The following CCDC7 variants were observed in gnomAD, a reference collection of about 807,000 sequenced individuals.
CCDC7 encodes coiled-coil domain-containing protein 7.
In CCDC7, 183 loss-of-function variants were observed where a neutral mutation model predicts 196.9. That is an observed-to-expected ratio of 0.93 (90% confidence interval 0.82 to 1.05). CCDC7 has a LOEUF of 1.05. CCDC7 is among the 50% of genes least tolerant of loss of function. The pLI is 0.00. For missense variants in CCDC7, 1,540 were observed against 1,482.2 expected, an observed-to-expected ratio of 1.04 and a Z score of -0.64; for synonymous variants, 525 against 484.6, an observed-to-expected ratio of 1.08 and a Z score of -1.10.
intron 11 of CCDC7, among the ~76,000 whole-genome samples, chr10:32,539,658 A>G (rs1487483430): frequency 6.6e-6 from 1 of 151,976 alleles, no homozygotes; most frequent in Non-Finnish European, 1.5e-5. Flanking sequence ...TAGTGTTATA[A>G]ACTTCCCTCT....
At chr10:32,656,392 G>A (rs2069872023) in intron 20 of CCDC7, among the ~76,000 whole-genome samples, 1 of 152,136 alleles carries the variant, frequency 6.6e-6, no homozygotes, top group African/African-American at 2.4e-5. Context: ...CCTGAGACTG[G>A]GTAATTTATA....
chr10:32,539,498 AT>A (rs1237461894), intron 11 of CCDC7, among the ~76,000 whole-genome samples: 3 of 150,570 alleles, frequency 2.0e-5, no homozygotes, highest in African/African-American at 2.4e-5. Context: ...GATCTTTTGT[AT>A]TTTTTTTGTA....
intron 13 of CCDC7, among the ~76,000 whole-genome samples, chr10:32,550,281 AATT>A (rs2053250592): frequency 6.6e-6 from 1 of 151,916 alleles, no homozygotes; most frequent in Admixed American, 6.6e-5. Flanking sequence ...AACTTTGCTG[AATT>A]CTTTTATCAG....
At chr10:32,714,544 A>C (rs12261061) in intron 25 of CCDC7, among the ~76,000 whole-genome samples, 1 of 152,102 alleles carries the variant, frequency 6.6e-6, no homozygotes, top group Non-Finnish European at 1.5e-5. Context: ...AATGCCAGTG[A>C]GACAGAACCA....
intron 28 of CCDC7, among the ~76,000 whole-genome samples, chr10:32,764,709 T>A (rs1203738148): frequency 6.6e-6 from 1 of 151,974 alleles, no homozygotes; most frequent in African/African-American, 2.4e-5. Context: ...ACCACAACTG[T>A]GAGAAATGTG....
chr10:32,499,522 C>T (rs976229570), intron 9 of CCDC7: 4 of 151,854 alleles, frequency 2.6e-5, no homozygotes, highest in African/African-American at 9.7e-5. Flanking sequence ...TTTTCCCAAC[C>T]ATGGTCATTA....
intron 18 of CCDC7, among the ~76,000 whole-genome samples, chr10:32,584,902 C>A (rs2059106674): frequency 6.6e-6 from 1 of 151,616 alleles, no homozygotes; most frequent in African/African-American, 2.4e-5. Context: ...TAATATGACA[C>A]CCGAAATTAA....
intron 18 of CCDC7, among the ~76,000 whole-genome samples, chr10:32,626,004 A>G (rs1277458703): frequency 3.3e-5 from 5 of 152,132 alleles, no homozygotes; most frequent in East Asian, 1.9e-4. Flanking sequence ...CTTGGCTATC[A>G]TGAATACTGC....
intron 11 of CCDC7, among the ~76,000 whole-genome samples, chr10:32,538,103 A>G (rs914372733): frequency 3.3e-5 from 5 of 152,278 alleles, no homozygotes; most frequent in African/African-American, 1.2e-4. Context: ...TTTTAACAAT[A>G]TTGAGTCTCC....
chr10:32,850,487 C>T (rs1256378743), intron 39 of CCDC7, among the ~76,000 whole-genome samples: 1 of 152,160 alleles, frequency 6.6e-6, no homozygotes, highest in Non-Finnish European at 1.5e-5. Flanking sequence ...AGTCATATAA[C>T]TAAGACCAGA....
chr10:32,818,477 A>G (rs1344672128), intron 31 of CCDC7, among the ~76,000 whole-genome samples: 1 of 152,282 alleles, frequency 6.6e-6, no homozygotes, highest in East Asian at 1.9e-4. Context: ...TCAGCTCTGC[A>G]CCAAGTGGAC....
intron 20 of CCDC7, among the ~76,000 whole-genome samples, chr10:32,641,586 A>G (rs889041674): frequency 5.3e-5 from 8 of 152,054 alleles, no homozygotes; most frequent in Non-Finnish European, 1.2e-4. Context: ...ACTCCTTTGC[A>G]ATGGGTTCGA....
At chr10:32,450,222 A>T (rs2505403), upstream of CCDC7, among the ~76,000 whole-genome samples, 64,555 of 152,078 alleles carry the variant, frequency 0.42, 15,193 homozygotes, top group Non-Finnish European at 0.55. Flanking sequence ...CTTCTGGTGG[A>T]TGCTAGCAAT....
chr10:32,721,873 G>A (rs188252339), intron 25 of CCDC7, among the ~76,000 whole-genome samples: 39 of 152,174 alleles, frequency 2.6e-4, no homozygotes, highest in African/African-American at 8.7e-4. Flanking sequence ...AAGAGTATAC[G>A]AGATGTCAGT....
chr10:32,715,327 C>G (rs2484719), intron 25 of CCDC7, among the ~76,000 whole-genome samples: 52,157 of 152,104 alleles, frequency 0.34, 11,338 homozygotes, highest in Non-Finnish European at 0.49. Flanking sequence ...AGAAGGAAAA[C>G]TAACAAACAG....
intron 33 of CCDC7, among the ~76,000 whole-genome samples, chr10:32,835,812 C>T (rs2092556606): frequency 1.3e-5 from 2 of 152,016 alleles, no homozygotes; most frequent in African/African-American, 2.4e-5. Flanking sequence ...AACAAACTTA[C>T]ACTTGTACCC....
intron 24 of CCDC7, among the ~76,000 whole-genome samples, chr10:32,710,977 A>G (rs2080723975): frequency 6.6e-6 from 1 of 152,228 alleles, no homozygotes; most frequent in Non-Finnish European, 1.5e-5. Flanking sequence ...GGGCAAAGGT[A>G]GGATGTATCA....
At chr10:32,759,374 T>G (rs1176503421) in intron 28 of CCDC7, among the ~76,000 whole-genome samples, 2 of 152,162 alleles carry the variant, frequency 1.3e-5, no homozygotes, top group African/African-American at 4.8e-5. Flanking sequence ...CAAAAGAGCA[T>G]GGTACTGGTA....
chr10:32,680,696 C>T (rs2075738142), intron 21 of CCDC7, among the ~76,000 whole-genome samples: 1 of 152,172 alleles, frequency 6.6e-6, no homozygotes, highest in Admixed American at 6.5e-5. Flanking sequence ...ATCTATTTGC[C>T]TGTCATCTTG....
Sources: allele counts gnomAD v4.1 joint callset (sites outside exome capture counted in the v4.1 genomes callset), GRCh38; gene constraint gnomAD v4.1.1; transcripts MANE v1.5; gene names NCBI Gene and HGNC (gene_info 2026-07-23, HGNC 2026-07-21).